STK39: variants seen among roughly 807,000 people sequenced by gnomAD.
STK39 encodes the protein serine/threonine kinase 39.
STK39 carries 20 observed loss-of-function variants against 77.8 expected under a neutral mutation model. The observed-to-expected ratio is 0.26, with a 90% CI of 0.18 to 0.37. STK39 has a LOEUF of 0.37. Ranked by LOEUF, STK39 falls within the 10% of genes least tolerant of loss-of-function variation. STK39 has a pLI of 1.00. For missense variants in STK39, 479 were observed against 656.5 expected, an observed-to-expected ratio of 0.73 and a Z score of 2.95; for synonymous variants, 246 against 234.1, an observed-to-expected ratio of 1.05 and a Z score of -0.47.
intron 1 of STK39, among the ~76,000 whole-genome samples, chr2:168,231,293 G>A (rs1690448614): frequency 6.6e-6 from 1 of 151,956 alleles, no homozygotes; most frequent in South Asian, 2.1e-4. Context: ...CTTCATAGGA[G>A]GACTGACAGA....
intron 16 of STK39, among the ~76,000 whole-genome samples, chr2:168,005,702 C>CT (rs1249260277): frequency 6.6e-6 from 1 of 152,122 alleles, no homozygotes; most frequent in Non-Finnish European, 1.5e-5. Flanking sequence ...AGCCATACGT[C>CT]TTGAGGTGGT....
intron 17 of STK39, among the ~76,000 whole-genome samples, chr2:167,958,361 C>T (rs1559033156): frequency 6.6e-6 from 1 of 151,994 alleles, no homozygotes; most frequent in Non-Finnish European, 1.5e-5. Flanking sequence ...ATTAATTATA[C>T]TATCTTAAAT....
chr2:168,054,310 C>T (rs1391404270), intron 14 of STK39, among the ~76,000 whole-genome samples: 1 of 152,232 alleles, frequency 6.6e-6, no homozygotes, highest in Non-Finnish European at 1.5e-5. Context: ...TTCTTGTGAG[C>T]TTTACGGTGT....
At chr2:168,068,607 C>T (rs66682533) in intron 12 of STK39, among the ~76,000 whole-genome samples, 3,129 of 152,080 alleles carry the variant, frequency 0.021, 112 homozygotes, top group African/African-American at 0.072. Flanking sequence ...CTGCACTGTC[C>T]CTGCAACGTT....
chr2:168,163,887 A>G lies in STK39; in HGVS notation c.431-7T>C. Reference sequence around the variant, plus strand: ...ATGATATCCAACATTGAACCTAAGTAGACAAACAGAAGAATTAAAACATAA... The same window carrying G: ...ATGATATCCAACATTGAACCTAAGTGGACAAACAGAAGAATTAAAACATAA... On this transcript the variant is annotated splice_region_variant and splice_polypyrimidine_tract_variant and intron_variant, in intron 3 of 17. Transcript: ENST00000355999. 1.2e-6 allele frequency: 2 copies of G among 1,611,476 alleles called. No homozygotes were observed. Among genetic ancestry groups the G allele is most frequent in the South Asian group, 2.2e-5 (2 of 90,750 alleles).
chr2:168,084,186 G>A (rs942534137), intron 10 of STK39, among the ~76,000 whole-genome samples: 2 of 152,186 alleles, frequency 1.3e-5, no homozygotes, highest in Non-Finnish European at 2.9e-5. Context: ...GGGCATGGTG[G>A]GGGGAAGGGA....
chr2:168,140,869 T>C (rs1687963609), intron 5 of STK39, 111 bp from the exon 6 acceptor site: 1 of 842,540 alleles, frequency 1.2e-6, no homozygotes. Context: ...TGATGAACTA[T>C]TCCAAACATG....
chr2:168,071,867 C>T (rs902741315), intron 12 of STK39, among the ~76,000 whole-genome samples: 9 of 131,930 alleles, frequency 6.8e-5, no homozygotes, highest in African/African-American at 2.5e-4. Flanking sequence ...GAGACTCCAT[C>T]TCAAAAAAAA....
rs2105531723 is a variant in STK39 at position 167,964,650 on chromosome 2, C to T, written c.1563+12G>A. ...AAATATTACCTCCTTCTTTCCATAACTTTCCACTTACCAACTTAAATGTCA... is the reference window on the plus strand; with the variant it reads ...AAATATTACCTCCTTCTTTCCATAATTTTCCACTTACCAACTTAAATGTCA... On this transcript the variant is annotated intron_variant, in intron 17 of 17. Coordinates refer to ENST00000355999, the MANE Select transcript of STK39 (RefSeq NM_013233.3). 1.2e-6 allele frequency: 2 copies of T among 1,607,306 alleles called. No homozygotes were observed. Among genetic ancestry groups the T allele is most frequent in the East Asian group, 4.5e-5 (2 of 44,730 alleles).
chr2:168,202,368 C>CGTGCT (rs1211308332), intron 1 of STK39, among the ~76,000 whole-genome samples: 3 of 152,164 alleles, frequency 2.0e-5, no homozygotes, highest in Non-Finnish European at 2.9e-5. Context: ...CCTTCTTACA[C>CGTGCT]GTGCTACTTA....
intron 10 of STK39, among the ~76,000 whole-genome samples, chr2:168,121,132 G>A (rs935338722): frequency 7.9e-5 from 12 of 152,068 alleles, no homozygotes; most frequent in Non-Finnish European, 1.5e-4. Context: ...TGTCCTCTCC[G>A]TTCTCTTCTT....
chr2:167,973,544 T>C (rs1238845007), intron 16 of STK39, among the ~76,000 whole-genome samples: 2 of 152,222 alleles, frequency 1.3e-5, no homozygotes, highest in Admixed American at 6.5e-5. Context: ...ACATGGTCTG[T>C]GTAAGTCGTG....
chr2:168,239,144 G>C (rs1345647252), intron 1 of STK39, among the ~76,000 whole-genome samples: 2 of 152,132 alleles, frequency 1.3e-5, no homozygotes, highest in Non-Finnish European at 2.9e-5. Context: ...TTCTGCTCCT[G>C]TGTTTCACCT....
At chr2:168,223,835 G>A (rs1300787345) in intron 1 of STK39, among the ~76,000 whole-genome samples, 1 of 152,104 alleles carries the variant, frequency 6.6e-6, no homozygotes, top group African/African-American at 2.4e-5. Context: ...GTTTGTATCA[G>A]AATTATCTGG....
rs572127742 is a variant in STK39, at chr2:168,036,955, G to A, written c.1377-19860C>T. 9.2e-5 allele frequency among the ~76,000 whole-genome samples: 14 copies of A among 152,278 alleles called. No individual in the cohort carries two copies. The Middle Eastern group carries it at 0.01, about 111-fold the overall frequency. ...GCAGGTAATCACTAAGAACAAATAC[G>A]TTCAGAATAACCTAATTTCTTTCTT... On this transcript the variant is annotated intron_variant, in intron 14 of 17. Coordinates refer to ENST00000355999, the MANE Select transcript of STK39 (RefSeq NM_013233.3).
intron 14 of STK39, among the ~76,000 whole-genome samples, chr2:168,059,464 G>A (rs533005017): frequency 8.5e-5 from 13 of 152,296 alleles, no homozygotes; most frequent in African/African-American, 2.9e-4. Flanking sequence ...GGGTGGCGTA[G>A]TGGAGATGGT....
At chr2:168,057,461 G>C (rs909721638) in intron 14 of STK39, among the ~76,000 whole-genome samples, 2 of 152,306 alleles carry the variant, frequency 1.3e-5, no homozygotes, top group East Asian at 1.9e-4. Flanking sequence ...CCAAAGTGCT[G>C]CAATTATAGG....
chr2:168,089,165 T>C (rs1169500965), intron 10 of STK39, among the ~76,000 whole-genome samples: 1 of 152,186 alleles, frequency 6.6e-6, no homozygotes, highest in Non-Finnish European at 1.5e-5. Context: ...GCCTGATTTT[T>C]CCCTCCAAAT....
Position 168,247,328 on chromosome 2 carries a change from G to A in STK39, c.108C>T (p.Ala36=), listed in dbSNP as rs1690952175. The A allele has an allele frequency of 2.9e-6, 3 of 1,036,296 alleles. No individual in the cohort carries two copies. The highest frequency in any genetic ancestry group is 8.9e-5 in the South Asian group (2 of 22,518). 64.2% of individuals were successfully genotyped at this position (1,036,296 alleles called of 1,614,324 possible). Residue 36 remains alanine, a synonymous_variant, in exon 1 of 18, where the codon GCC becomes GCT. Transcript: ENST00000355999. ...AAPAAATAAP[A]PAAPAAPAPA... The stretch of plus-strand genomic sequence containing the variant: ...GGGCCGGGGCCGCGGGAGCTGCCGG[G>A]GCCGGCGCTGCTGTCGCGGCCGCCG...
Sources: gnomAD v4.1 joint callset for allele counts (sites outside exome capture counted in the v4.1 genomes callset) on GRCh38, gnomAD v4.1.1 for gene constraint, MANE v1.5 for transcripts, NCBI Gene and HGNC (gene_info 2026-07-23, HGNC 2026-07-21) for gene names.